Variants in PPFIA2 observed in about 807,000 individuals in gnomAD.
The protein encoded by PPFIA2 is PPFI scaffold protein A2.
Under a neutral mutation model 175.5 loss-of-function variants are expected in PPFIA2, and 46 were observed. That is an observed-to-expected ratio of 0.26 (90% CI 0.21 to 0.34). The LOEUF (loss-of-function observed/expected upper bound fraction) is 0.34. Ranked by LOEUF, PPFIA2 falls within the 10% of genes least tolerant of loss-of-function variation. The pLI, the probability that PPFIA2 is intolerant of heterozygous loss-of-function variation, is 1.00. For missense variants in PPFIA2, 1,179 were observed against 1,506.1 expected, an observed-to-expected ratio of 0.78 and a Z score of 3.60; for synonymous variants, 568 against 511.4, an observed-to-expected ratio of 1.11 and a Z score of -1.49.
intron 4 of PPFIA2, among the ~76,000 whole-genome samples, chr12:81,513,529 T>C (rs1415166270): frequency 6.6e-6 from 1 of 151,890 alleles, no homozygotes; most frequent in Non-Finnish European, 1.5e-5. Context: ...TGGTTAACTT[T>C]TTATTTTGAA....
chr12:81,362,676 T>C lies in PPFIA2; in HGVS notation c.1637+17A>G, dbSNP rs1252441173. 1 of 1,499,730 alleles carries C rather than the reference T, an allele frequency of 6.7e-7. No homozygotes were observed. The highest frequency in any genetic ancestry group is 9.1e-7 in the Non-Finnish European group (1 of 1,101,886). The allele number at this position is 1,499,730 out of a possible 1,614,324, so 92.9% of individuals were successfully genotyped here. On this transcript the variant is annotated intron_variant, in intron 15 of 32. Coordinates refer to ENST00000549396, the MANE Select transcript of PPFIA2 (RefSeq NM_003625.5). The stretch of plus-strand genomic sequence containing the variant: ...GATTTTCAGTGAATTATAGATAAGC[T>C]TTTAGTTTAATGTTACCTTGGTATT...
chr12:81,622,740 C>A (rs1229239377), intron 4 of PPFIA2, among the ~76,000 whole-genome samples: 2 of 152,112 alleles, frequency 1.3e-5, no homozygotes, highest in African/African-American at 4.8e-5. Context: ...CTGAACCCAA[C>A]AGAATAGAAT....
intron 4 of PPFIA2, among the ~76,000 whole-genome samples, chr12:81,487,182 T>G (rs761400890): frequency 6.6e-6 from 1 of 151,792 alleles, no homozygotes; most frequent in Non-Finnish European, 1.5e-5. Flanking sequence ...AGTGAGTTGG[T>G]TATCTGTCTA....
At chr12:81,410,041 G>A (rs2043643086) in intron 7 of PPFIA2, among the ~76,000 whole-genome samples, 1 of 151,904 alleles carries the variant, frequency 6.6e-6, no homozygotes, top group Admixed American at 6.6e-5. Context: ...AGGCCTCAAG[G>A]GTACTAGCTA....
In PPFIA2 at chr12:81,754,238, G is replaced by A. The variant is rs1448068714; in HGVS notation, c.-2-15C>T. The A allele has an allele frequency of 3.8e-6, 6 of 1,576,624 alleles. No homozygotes were observed. The African/African-American group carries it at 4.0e-5, about 11-fold the overall frequency. On this transcript the variant is annotated splice_polypyrimidine_tract_variant and intron_variant, in intron 2 of 32. Transcript: ENST00000549396. ...ACACATCATTGCTTAAAGAAAGTAA[G>A]TGGGAAGGAGTCTTAGTAAAGAAAT...
intron 11 of PPFIA2, among the ~76,000 whole-genome samples, chr12:81,373,207 A>T (rs1449687668): frequency 6.6e-6 from 1 of 151,800 alleles, no homozygotes; most frequent in Non-Finnish European, 1.5e-5. Flanking sequence ...AATATTGATA[A>T]TTATTTTAAG....
At chr12:81,270,297 G>A (rs2038706258) in intron 28 of PPFIA2, among the ~76,000 whole-genome samples, 1 of 151,950 alleles carries the variant, frequency 6.6e-6, no homozygotes, top group Non-Finnish European at 1.5e-5. Flanking sequence ...TTTTGTTCTT[G>A]TTTTGTCTTG....
rs139894147 is a variant in PPFIA2 at position 81,756,425 on chromosome 12, A to G, written c.-3+1975T>C. ...GAAAATAATATCCTAACAATCCCTC[A>G]TTGTTACCATGGGATATAAACATTC... is the stretch of plus-strand genomic sequence containing the variant. On this transcript the variant is annotated intron_variant, in intron 2 of 32. Coordinates refer to ENST00000549396, the MANE Select transcript of PPFIA2 (RefSeq NM_003625.5). Among the ~76,000 whole-genome samples, 12 of 152,186 alleles carry G rather than the reference A, an allele frequency of 7.9e-5. No homozygotes were observed. In the East Asian group the frequency reaches 2.3e-3, roughly 29 times the overall value.
At chr12:81,725,380 T>C (rs1368673632) in intron 3 of PPFIA2, among the ~76,000 whole-genome samples, 1 of 150,800 alleles carries the variant, frequency 6.6e-6, no homozygotes, top group Non-Finnish European at 1.5e-5. Flanking sequence ...AAGATAACAC[T>C]AATAAATTTA....
chr12:81,262,916 A>T (rs992805413), intron 31 of PPFIA2, among the ~76,000 whole-genome samples: 2 of 152,224 alleles, frequency 1.3e-5, no homozygotes, highest in African/African-American at 4.8e-5. Context: ...TAACTTAAAC[A>T]AATTGTTAAT....
chr12:81,452,561 T>C (rs757479857), intron 5 of PPFIA2, among the ~76,000 whole-genome samples: 3 of 152,250 alleles, frequency 2.0e-5, no homozygotes, highest in Non-Finnish European at 4.4e-5. Flanking sequence ...GTACTGATCA[T>C]ATCCTATCAT....
At chr12:81,625,045 C>T (rs915019028) in intron 4 of PPFIA2, among the ~76,000 whole-genome samples, 9 of 151,654 alleles carry the variant, frequency 5.9e-5, no homozygotes, top group Admixed American at 1.3e-4. Flanking sequence ...AATGTCACTA[C>T]GATCCCTAAA....
intron 3 of PPFIA2, among the ~76,000 whole-genome samples, chr12:81,734,706 A>T: frequency 6.6e-6 from 1 of 151,836 alleles, no homozygotes; most frequent in East Asian, 1.9e-4. Flanking sequence ...TACATATCAC[A>T]AAATTCCTTT....
chr12:81,597,285 T>G (rs1781932333), intron 4 of PPFIA2, among the ~76,000 whole-genome samples: 1 of 152,084 alleles, frequency 6.6e-6, no homozygotes. Flanking sequence ...GATGGCTGAT[T>G]TATTCACAGG....
chr12:81,452,987 CT>C (rs960701869), intron 5 of PPFIA2, among the ~76,000 whole-genome samples: 40 of 146,876 alleles, frequency 2.7e-4, no homozygotes, highest in African/African-American at 7.4e-4. Context: ...TAACGTTTTT[CT>C]TTTTTTTTAA....
chr12:81,408,688 T>A (rs1566695516), intron 7 of PPFIA2, among the ~76,000 whole-genome samples: 1 of 152,182 alleles, frequency 6.6e-6, no homozygotes, highest in African/African-American at 2.4e-5. Context: ...ATTCTAAACT[T>A]CAAGTTTGCT....
chr12:81,664,546 G>T (rs2153554446), intron 4 of PPFIA2, among the ~76,000 whole-genome samples: 1 of 152,180 alleles, frequency 6.6e-6, no homozygotes, highest in South Asian at 2.1e-4. Context: ...AACAGGTGCT[G>T]GAGAGGATGT....
intron 4 of PPFIA2, among the ~76,000 whole-genome samples, chr12:81,673,718 G>T (rs761059071): frequency 6.6e-6 from 1 of 151,848 alleles, no homozygotes; most frequent in African/African-American, 2.4e-5. Context: ...AATGATAAAA[G>T]CATTTATTTT....
At chr12:81,667,161 G>T (rs2070489470) in intron 4 of PPFIA2, among the ~76,000 whole-genome samples, 1 of 152,014 alleles carries the variant, frequency 6.6e-6, no homozygotes. Flanking sequence ...CTAGTGTTCT[G>T]TGCTTTTTCT....
Sources: gnomAD v4.1 joint callset for allele counts (sites outside exome capture counted in the v4.1 genomes callset) on GRCh38, gnomAD v4.1.1 for gene constraint, MANE v1.5 for transcripts, NCBI Gene and HGNC (gene_info 2026-07-23, HGNC 2026-07-21) for gene names.